The following LRRTM4 variants were observed in gnomAD, a reference collection of about 807,000 sequenced individuals.
The protein encoded by LRRTM4 is leucine-rich repeat transmembrane neuronal protein 4.
A neutral mutation model predicts 47.6 loss-of-function variants in LRRTM4; 25 were observed. The ratio of observed to expected loss-of-function variants is 0.53; its 90% CI spans 0.38 to 0.73. The LOEUF (loss-of-function observed/expected upper bound fraction) is 0.73, where lower values mean the gene tolerates loss of function less well. Ranked by LOEUF, LRRTM4 falls within the 30% of genes least tolerant of loss-of-function variation. The pLI, the probability that LRRTM4 is intolerant of heterozygous loss-of-function variation, is 0.00. For synonymous variants in LRRTM4, 311 were observed against 269.5 expected, an observed-to-expected ratio of 1.15 and a Z score of -1.51; for missense variants, 638 against 713.4, an observed-to-expected ratio of 0.89 and a Z score of 1.20.
At chr2:76,913,712 T>C (rs1674149973) in intron 3 of LRRTM4, among the ~76,000 whole-genome samples, 1 of 152,000 alleles carries the variant, frequency 6.6e-6, no homozygotes, top group South Asian at 2.1e-4. Flanking sequence ...CTAATTTTTG[T>C]ATTTTCATTA....
intron 3 of LRRTM4, among the ~76,000 whole-genome samples, chr2:76,973,946 G>A (rs1558771255): frequency 6.6e-6 from 1 of 151,500 alleles, no homozygotes; most frequent in African/African-American, 2.4e-5. Context: ...CATACATTCA[G>A]AAACAAATGC....
Position 77,447,876 on chromosome 2 carries a change from C to G in LRRTM4, c.1551+70442G>C, listed in dbSNP as rs190098748. 2.5e-3 allele frequency among the ~76,000 whole-genome samples: 388 copies of G among 152,212 alleles called. 1 individual carries two copies. The highest frequency in any genetic ancestry group is 8.9e-3 in the African/African-American group (370 of 41,536). On this transcript the variant is annotated intron_variant, in intron 3 of 3. Coordinates refer to ENST00000409884, the MANE Select transcript of LRRTM4 (RefSeq NM_001134745.3). ...TCCTCGTGTTGTTGGATTTAGCTCA[C>G]TGTTTCCACACAAAGGTGTTAGTAA...
At chr2:76,784,565 T>C (rs1279157115) in intron 3 of LRRTM4, among the ~76,000 whole-genome samples, 2 of 152,048 alleles carry the variant, frequency 1.3e-5, no homozygotes, top group East Asian at 1.9e-4. Flanking sequence ...AGTAAATAAA[T>C]GCAATATTTT....
At chr2:76,896,840 C>T (rs1673433014) in intron 3 of LRRTM4, among the ~76,000 whole-genome samples, 1 of 147,160 alleles carries the variant, frequency 6.8e-6, no homozygotes, top group African/African-American at 2.5e-5. Context: ...CATTGTTTGG[C>T]AATACTAGAT....
intron 3 of LRRTM4, among the ~76,000 whole-genome samples, chr2:77,177,012 C>T (rs779697031): frequency 6.6e-6 from 1 of 152,136 alleles, no homozygotes; most frequent in Non-Finnish European, 1.5e-5. Context: ...GGGAACAACC[C>T]TCAATTCCAG....
At chr2:77,366,981 T>G (rs1160406145) in intron 3 of LRRTM4, among the ~76,000 whole-genome samples, 1 of 151,828 alleles carries the variant, frequency 6.6e-6, no homozygotes, top group Non-Finnish European at 1.5e-5. Context: ...ATAAACTTAT[T>G]AATTTGGGAT....
chr2:77,060,305 A>T (rs1267757725), intron 3 of LRRTM4, among the ~76,000 whole-genome samples: 1 of 152,154 alleles, frequency 6.6e-6, no homozygotes, highest in Non-Finnish European at 1.5e-5. Context: ...TGGCATTTTC[A>T]AATTTTTGTG....
At chr2:76,943,207 C>G (rs1215602925) in intron 3 of LRRTM4, among the ~76,000 whole-genome samples, 2 of 152,110 alleles carry the variant, frequency 1.3e-5, no homozygotes, top group African/African-American at 2.4e-5. Flanking sequence ...GTGATGGGTT[C>G]AGAACACCAA....
intron 3 of LRRTM4, among the ~76,000 whole-genome samples, chr2:77,235,258 T>A (rs577315722): frequency 6.6e-6 from 1 of 152,248 alleles, no homozygotes; most frequent in African/African-American, 2.4e-5. Flanking sequence ...GGGATTGTAG[T>A]TTTAATTTAC....
chr2:76,959,990 C>G (rs17013449), intron 3 of LRRTM4, among the ~76,000 whole-genome samples: 34,309 of 150,946 alleles, frequency 0.23, 4,635 homozygotes, highest in African/African-American at 0.37. Context: ...AAAATGGAAA[C>G]TTGGCCAAAC....
intron 3 of LRRTM4, among the ~76,000 whole-genome samples, chr2:77,100,870 CAG>C (rs1348136723): frequency 4.8e-5 from 6 of 123,980 alleles, no homozygotes; most frequent in South Asian, 5.2e-4. Flanking sequence ...TTTTTTGTGA[CAG>C]AGTCTTACTC....
intron 3 of LRRTM4, among the ~76,000 whole-genome samples, chr2:77,005,895 T>G (rs929913835): frequency 6.6e-6 from 1 of 152,180 alleles, no homozygotes; most frequent in African/African-American, 2.4e-5. Context: ...TTTATTAACA[T>G]CCTCTTGTGT....
intron 3 of LRRTM4, among the ~76,000 whole-genome samples, chr2:76,904,870 G>C (rs760478314): frequency 2.6e-5 from 4 of 152,216 alleles, no homozygotes; most frequent in Non-Finnish European, 5.9e-5. Context: ...GTTTTGAAAA[G>C]GCATCATTCT....
chr2:76,770,350 A>G (rs1291938677), intron 3 of LRRTM4, among the ~76,000 whole-genome samples: 2 of 152,148 alleles, frequency 1.3e-5, no homozygotes, highest in African/African-American at 4.8e-5. Context: ...CTGAACTCCC[A>G]TCTCCATCAT....
At position 76,932,778 on chromosome 2, in the gene LRRTM4, A is replaced by G. The variant is rs182150200; in HGVS notation, c.1552-183862T>C. ...ATATACACACGTGTGTATACACACA[A>G]AAGAGAGGAAAATACTTACTCTAAA... On this transcript the variant is annotated intron_variant, in intron 3 of 3. Transcript: ENST00000409884. Among the ~76,000 whole-genome samples, 6 of 151,346 alleles carry G rather than the reference A, an allele frequency of 4.0e-5. No homozygotes were observed. In the Admixed American group the frequency reaches 4.0e-4, roughly 10 times the overall value.
chr2:77,141,556 C>T (rs182384713), intron 3 of LRRTM4, among the ~76,000 whole-genome samples: 222 of 152,116 alleles, frequency 1.5e-3, no homozygotes, highest in African/African-American at 4.8e-3. Context: ...ACCAACATGG[C>T]GCATGTGTAC....
chr2:77,098,984 T>C (rs561818678), intron 3 of LRRTM4, among the ~76,000 whole-genome samples: 4 of 151,936 alleles, frequency 2.6e-5, no homozygotes, highest in Non-Finnish European at 5.9e-5. Context: ...TGTCAAATAA[T>C]GGGGAGTAAG....
intron 3 of LRRTM4, among the ~76,000 whole-genome samples, chr2:76,973,104 T>G (rs895779652): frequency 2.0e-5 from 3 of 151,928 alleles, no homozygotes; most frequent in Non-Finnish European, 2.9e-5. Context: ...TATCATCAAG[T>G]AAGATATAAA....
chr2:77,491,718 G>C (rs1678170743), intron 3 of LRRTM4, among the ~76,000 whole-genome samples: 1 of 151,816 alleles, frequency 6.6e-6, no homozygotes, highest in Non-Finnish European at 1.5e-5. Flanking sequence ...TATTTTTGAA[G>C]AAGAGGGAAA....
Sources: allele counts gnomAD v4.1 joint callset (sites outside exome capture counted in the v4.1 genomes callset), GRCh38; gene constraint gnomAD v4.1.1; transcripts MANE v1.5; gene names NCBI Gene and HGNC (gene_info 2026-07-23, HGNC 2026-07-21).